CHMP4B: variants seen among roughly 807,000 people sequenced by gnomAD.
CHMP4B encodes SNF7 homolog associated with Alix 1.
CHMP4B carries 1 observed loss-of-function variant against 25.1 expected under a neutral mutation model. The observed-to-expected ratio is 0.04, with a 90% CI of 0.01 to 0.19. The LOEUF is 0.19. CHMP4B is among the 10% of genes least tolerant of loss of function. CHMP4B has a pLI of 1.00. For synonymous variants in CHMP4B, 101 were observed against 115.6 expected, an observed-to-expected ratio of 0.87 and a Z score of 0.81; for missense variants, 151 against 289.7, an observed-to-expected ratio of 0.52 and a Z score of 3.48.
At chr20:33,816,221 C>A (rs1056495604) in intron 1 of CHMP4B, among the ~76,000 whole-genome samples, 5 of 152,044 alleles carry the variant, frequency 3.3e-5, no homozygotes, top group African/African-American at 7.2e-5. Context: ...TGTCCTAGGC[C>A]CCATCCTTGG....
chr20:33,813,071 G>C (rs1350851337), intron 1 of CHMP4B, among the ~76,000 whole-genome samples: 1 of 151,626 alleles, frequency 6.6e-6, no homozygotes, highest in African/African-American at 2.4e-5. Flanking sequence ...TGCCACTTTG[G>C]ATAGAATGGT....
chr20:33,824,531 T>C (rs1475020557), intron 1 of CHMP4B, among the ~76,000 whole-genome samples: 1 of 152,252 alleles, frequency 6.6e-6, no homozygotes, highest in East Asian at 1.9e-4. Context: ...CATTCTGGAA[T>C]GGCTTGACAG....
chr20:33,848,591 G>T lies in CHMP4B; in HGVS notation c.315G>T (p.Val105=). The T allele has an allele frequency of 6.2e-7, 1 of 1,614,222 alleles. No individual in the cohort carries two copies. The highest frequency in any genetic ancestry group is 8.5e-7 in the Non-Finnish European group (1 of 1,180,052). ...ALENANTNTE[V]LKNMGYAAKA... ...AGAATGCCAACACCAACACCGAGGT[G>T]CTCAAGAACATGGGCTATGCCGCCA... The change falls in exon 2 of 5, where the codon GTG becomes GTT. Residue 105 remains valine, a synonymous_variant. Transcript: ENST00000217402.
intron 1 of CHMP4B, among the ~76,000 whole-genome samples, chr20:33,836,978 G>C (rs1039261972): frequency 6.6e-6 from 1 of 152,242 alleles, no homozygotes; most frequent in Non-Finnish European, 1.5e-5. Flanking sequence ...TGACTCTGCT[G>C]GTTGGTTATT....
At chr20:33,846,050 A>G (rs780596347) in intron 1 of CHMP4B, among the ~76,000 whole-genome samples, 4 of 152,198 alleles carry the variant, frequency 2.6e-5, no homozygotes, top group Non-Finnish European at 5.9e-5. Context: ...TTGGATTTGC[A>G]TTCCCTCTTC....
chr20:33,825,270 A>G (rs1005118948), intron 1 of CHMP4B, among the ~76,000 whole-genome samples: 1 of 152,212 alleles, frequency 6.6e-6, no homozygotes, highest in African/African-American at 2.4e-5. Context: ...ACCGATATTC[A>G]CTATATACCC....
At chr20:33,843,118 G>C (rs1979588540) in intron 1 of CHMP4B, among the ~76,000 whole-genome samples, 1 of 152,180 alleles carries the variant, frequency 6.6e-6, no homozygotes, top group Admixed American at 6.5e-5. Flanking sequence ...CTTTTTGACT[G>C]GTCTCTGCTT....
At chr20:33,818,474 A>G (rs368648146) in intron 1 of CHMP4B, among the ~76,000 whole-genome samples, 7 of 152,226 alleles carry the variant, frequency 4.6e-5, no homozygotes, top group African/African-American at 1.7e-4. Context: ...TAGGTGCCCT[A>G]TCCTCTCACA....
intron 4 of CHMP4B, 51 bp downstream of exon 4, chr20:33,852,254 C>CTTGTGGTCGGTTGGCTTTGGT (rs763096574): frequency 7.4e-6 from 12 of 1,611,398 alleles, no homozygotes; most frequent in South Asian, 2.2e-5. Flanking sequence ...GGCAGGTGAT[C>CTTGTGGTCGGTTGGCTTTGGT]TTGTGGTCGG....
At chr20:33,850,755 G>A (rs577113875) in intron 2 of CHMP4B, among the ~76,000 whole-genome samples, 197 bp from the exon 3 acceptor site, 2 of 152,326 alleles carry the variant, frequency 1.3e-5, no homozygotes, top group East Asian at 3.9e-4. Flanking sequence ...AGACATTCCC[G>A]TCCCCTTGAG....
chr20:33,832,045 T>C (rs1394241835), intron 1 of CHMP4B, among the ~76,000 whole-genome samples: 1 of 152,184 alleles, frequency 6.6e-6, no homozygotes, highest in Non-Finnish European at 1.5e-5. Flanking sequence ...AAAGGCTGGT[T>C]GGGTTTTCCC....
At chr20:33,852,656 G>T (rs893173643) in intron 4 of CHMP4B, among the ~76,000 whole-genome samples, 4 of 152,180 alleles carry the variant, frequency 2.6e-5, no homozygotes, top group African/African-American at 9.7e-5. Flanking sequence ...TTTCTAGAAT[G>T]ATTTTCCTAT....
chr20:33,819,461 C>T (rs1978874051), intron 1 of CHMP4B, among the ~76,000 whole-genome samples: 1 of 152,138 alleles, frequency 6.6e-6, no homozygotes, highest in African/African-American at 2.4e-5. Context: ...TTTGGTCCTT[C>T]TTAAAGAGTC....
chr20:33,848,365 AC>A, intron 1 of CHMP4B, 101 bp from the exon 2 acceptor site: 1 of 1,139,766 alleles, frequency 8.8e-7, no homozygotes, highest in African/African-American at 1.5e-5. Flanking sequence ...AGTGGAAGCA[AC>A]AACAGAGGTG....
At chr20:33,841,088 T>C (rs923881902) in intron 1 of CHMP4B, among the ~76,000 whole-genome samples, 6 of 152,328 alleles carry the variant, frequency 3.9e-5, no homozygotes, top group Non-Finnish European at 8.8e-5. Context: ...GCGTTTGATA[T>C]TCTGTTAGGT....
chr20:33,814,284 G>C (rs903386086), intron 1 of CHMP4B, among the ~76,000 whole-genome samples: 2 of 152,178 alleles, frequency 1.3e-5, no homozygotes, highest in African/African-American at 4.8e-5. Context: ...CCACTATGCT[G>C]GGACCTTGAG....
intron 1 of CHMP4B, among the ~76,000 whole-genome samples, chr20:33,823,120 T>C (rs1475141616): frequency 2.6e-5 from 4 of 152,048 alleles, no homozygotes; most frequent in Non-Finnish European, 2.9e-5. Flanking sequence ...CTTAAAAACA[T>C]TGTATTTCAA....
chr20:33,811,723 C>T, intron 1 of CHMP4B, 65 bp downstream of exon 1: 1 of 1,516,970 alleles, frequency 6.6e-7, no homozygotes, highest in South Asian at 1.2e-5. Context: ...GCCCGGACTT[C>T]ACCTTCATCA....
chr20:33,828,255 G>C (rs1016147094), intron 1 of CHMP4B, among the ~76,000 whole-genome samples: 5 of 152,182 alleles, frequency 3.3e-5, no homozygotes, highest in Non-Finnish European at 4.4e-5. Context: ...TAGGTGACCT[G>C]TTAAAAGTAA....
Sources: gnomAD v4.1 joint callset for allele counts (sites outside exome capture counted in the v4.1 genomes callset) on GRCh38, gnomAD v4.1.1 for gene constraint, MANE v1.5 for transcripts, NCBI Gene and HGNC (gene_info 2026-07-23, HGNC 2026-07-21) for gene names.